Variants in DACT2 observed in about 807,000 individuals in gnomAD.
DACT2 encodes dishevelled binding antagonist of beta catenin 2.
A neutral mutation model predicts 22.2 loss-of-function variants in DACT2; 20 were observed. The observed-to-expected ratio is 0.90, with a 90% CI of 0.63 to 1.31. DACT2 has a LOEUF of 1.31. Ranked by LOEUF, DACT2 falls within the 50% of genes most tolerant of loss-of-function variation. The pLI, the probability that DACT2 is intolerant of heterozygous loss-of-function variation, is 0.00. For synonymous variants in DACT2, 463 were observed against 479.8 expected, an observed-to-expected ratio of 0.96 and a Z score of 0.46; for missense variants, 1,048 against 1,061.4, an observed-to-expected ratio of 0.99 and a Z score of 0.18.
chr6:168,294,033 C>T (rs547944314), intron 5 of DACT2: 119 of 703,044 alleles, frequency 1.7e-4, no homozygotes, highest in African/African-American at 1.7e-3. Context: ...TTTGCCTCCC[C>T]GTCCCCACAG....
exon 6 of DACT2, chr6:168,293,804 C>T (rs1363705190): frequency 1.7e-5 from 12 of 698,710 alleles, no homozygotes; most frequent in Middle Eastern, 3.0e-4. Flanking sequence ...CCGATGATAT[C>T]GGGAGAAGAA....
At chr6:168,314,009 A>T (rs1019247762) in intron 1 of DACT2, among the ~76,000 whole-genome samples, 6 of 93,420 alleles carry the variant, frequency 6.4e-5, no homozygotes, top group African/African-American at 2.4e-4. Flanking sequence ...TGTAACCCCG[A>T]CCGCGCTTGT....
chr6:168,311,597 TA>T (rs1779415687), intron 1 of DACT2, among the ~76,000 whole-genome samples: 1 of 100,462 alleles, frequency 1.0e-5, no homozygotes, highest in African/African-American at 4.4e-5. Flanking sequence ...CACACACACA[TA>T]CACACACACT....
At position 168,296,058 on chromosome 6, in the gene DACT2, G is replaced by A. The variant is rs1425980023; in HGVS notation, c.659-1354C>T. Among the ~76,000 whole-genome samples, 33 of 139,004 alleles carry A rather than the reference G, an allele frequency of 2.4e-4. 1 individual carries two copies. Among genetic ancestry groups the A allele is most frequent in the Non-Finnish European group, 3.8e-4 (25 of 65,770 alleles). The allele number at this position is 139,004 out of a possible 152,430, so 91.2% of individuals were successfully genotyped here. On this transcript the variant is annotated intron_variant, in intron 3 of 5. Coordinates refer to the DACT2 transcript ENST00000366796. ...CGGAAAGAGCAGATCCATCCACAGC[G>A]GTGAGGAGATGGTCATGGAGGACAG...
At position 168,307,600 on chromosome 6, in the gene DACT2, A is replaced by T. The variant is rs1400887870; in HGVS notation, c.2157T>A (p.Tyr719Ter). The change falls in exon 4 of 4, where the codon TAT (tyrosine) becomes TAA (stop). Residue 719 changes from tyrosine to a stop codon, truncating the protein, a stop_gained. Transcript: ENST00000366795. LOFTEE classifies it low-confidence loss of function (END_TRUNC). This position sits in a 1 kb window ranked among gnomAD's most constrained non-coding sequence, Gnocchi z 5.3. ...CCAGCTCCGCATGCCCGGCCGCCAC[A>T]TAGCCCAGTGCCAGGTCACAGTCCC... ...QSRDCDLALG[Y>*]VAAGHAELAW... The T allele has an allele frequency of 6.5e-7, 1 of 1,549,248 alleles. No homozygotes were observed. The highest frequency in any genetic ancestry group is 1.4e-5 in the African/African-American group (1 of 72,938).
intron 1 of DACT2, among the ~76,000 whole-genome samples, chr6:168,312,340 G>C (rs1048053931): frequency 2.0e-5 from 3 of 152,000 alleles, no homozygotes; most frequent in African/African-American, 7.3e-5. Context: ...GGGACTGCAG[G>C]CATGCACCAT....
At position 168,312,399 on chromosome 6, in the gene DACT2, G is replaced by A. The variant is rs1478934619; in HGVS notation, c.247-1115C>T. Among the ~76,000 whole-genome samples the A allele has an allele frequency of 2.0e-5, 3 of 152,310 alleles. No individual in the cohort carries two copies. In the East Asian group the frequency reaches 5.8e-4, roughly 29 times the overall value. On this transcript the variant is annotated intron_variant, in intron 1 of 3. Transcript: ENST00000366795. ...TTTTGTAGAGACAGGGTCTTGCCAT[G>A]TTGCCCAGGCTGGTCTCCAACTCCT...
Position 168,309,017 on chromosome 6 carries a change from T to C in DACT2, c.740A>G (p.Gln247Arg), listed in dbSNP as rs1168697387. ...CACGTGCAGCGGGATATCCACCCCC[T>C]GGCAGAGGAGCCCGAGGAGCTCGGC... ...ADAELLGLLC[Q>R]GVDIPLHVPD... is the part of the protein sequence containing the mutation. The change falls in exon 4 of 4, where the codon CAG (glutamine) becomes CGG (arginine). Residue 247 changes from glutamine (Q) to arginine (R), a missense_variant. Gln to Arg is a conservative substitution (Grantham distance 43, BLOSUM62 1). Transcript: ENST00000366795. 2.6e-6 allele frequency: 4 copies of C among 1,547,820 alleles called. No homozygotes were observed. Among genetic ancestry groups the C allele is most frequent in the Non-Finnish European group, 3.5e-6 (4 of 1,146,934 alleles).
chr6:168,293,962 G>A (rs1202646412), intron 5 of DACT2: 16 of 703,242 alleles, frequency 2.3e-5, no homozygotes, highest in Non-Finnish European at 3.9e-5. Context: ...CGTCCCCAGG[G>A]ATGACAGAGA....
At chr6:168,303,210 A>C (rs1779141403), downstream of DACT2, among the ~76,000 whole-genome samples, 1 of 152,176 alleles carries the variant, frequency 6.6e-6, no homozygotes, top group Non-Finnish European at 1.5e-5. Context: ...TTTAGGATCC[A>C]GTAACTGTAC....
rs1455146037 is a variant in DACT2 at position 168,309,105 on chromosome 6, G to A, written c.659-7C>T. On this transcript the variant is annotated splice_polypyrimidine_tract_variant and splice_region_variant and intron_variant, in intron 3 of 3. Transcript: ENST00000366795. ...AGGGCTCTGTCAAGATCACCTGGGA[G>A]CGAGAAAAATGAACAAACACGTAAC... The A allele has an allele frequency of 2.0e-6, 3 of 1,506,018 alleles. No homozygotes were observed. The highest frequency in any genetic ancestry group is 2.5e-5 in the East Asian group (1 of 40,372). 93.3% of individuals were successfully genotyped at this position (1,506,018 alleles called of 1,614,324 possible).
intron 4 of DACT2, chr6:168,294,207 AGAGAAGGCAATGCCATCCT>A (rs1277335935): frequency 1.4e-6 from 1 of 702,970 alleles, no homozygotes. Flanking sequence ...CCTAACACAG[AGAGAAGGCAATGCCATCCT>A]GAGAAACATG....
intron 1 of DACT2, among the ~76,000 whole-genome samples, chr6:168,316,228 A>G (rs1295260402): frequency 6.6e-6 from 1 of 152,222 alleles, no homozygotes; most frequent in Non-Finnish European, 1.5e-5. Context: ...CCTTGACAGA[A>G]CAGTTGAAGC....
chr6:168,300,114 A>T, intron 3 of DACT2: 1 of 152,426 alleles, frequency 6.6e-6, no homozygotes. Flanking sequence ...AATGCGCTGG[A>T]GGCACCGAGG....
intron 3 of DACT2, chr6:168,300,393 C>T (rs1243174483): frequency 6.6e-6 from 1 of 152,202 alleles, no homozygotes; most frequent in Admixed American, 6.5e-5. Flanking sequence ...CGTCATGGAA[C>T]CAGACACTTC....
chr6:168,309,289 G>A (rs986112067), intron 3 of DACT2, among the ~76,000 whole-genome samples, 191 bp from the exon 4 acceptor site: 2 of 150,684 alleles, frequency 1.3e-5, no homozygotes, highest in Admixed American at 6.6e-5. Context: ...CGGGGCAGAC[G>A]GGAATGCGTT....
At chr6:168,311,985 C>G (rs902909258) in intron 1 of DACT2, among the ~76,000 whole-genome samples, 1 of 152,162 alleles carries the variant, frequency 6.6e-6, no homozygotes, top group African/African-American at 2.4e-5. Flanking sequence ...GAGCACAAAC[C>G]TTTTGACTTT....
chr6:168,307,832 G>A lies in DACT2; in HGVS notation c.1925C>T (p.Pro642Leu). ...PRPVARRAGG[P>L]LARGRPSLVR... Reference sequence around the variant, plus strand: ...CAGTGAGGGACGGCCCCGGGCCAGTGGGCCACCTGCTCTCCTGGCCACGGG... The same window carrying A: ...CAGTGAGGGACGGCCCCGGGCCAGTAGGCCACCTGCTCTCCTGGCCACGGG... The change falls in exon 4 of 4, where the codon CCA (proline) becomes CTA (leucine). Residue 642 changes from proline (P) to leucine (L), a missense_variant. By Grantham distance (98) the Pro-to-Leu change is moderately conservative. Transcript: ENST00000366795. This position sits in a 1 kb window ranked among gnomAD's most constrained non-coding sequence, Gnocchi z 5.3. The A allele has an allele frequency of 1.3e-6, 2 of 1,538,576 alleles. No homozygotes were observed. Among genetic ancestry groups the A allele is most frequent in the Non-Finnish European group, 1.7e-6 (2 of 1,145,074 alleles).
At position 168,319,718 on chromosome 6, in the gene DACT2, C is replaced by A; in HGVS notation, c.-85G>T. 8.5e-7 allele frequency: 1 copy of A among 1,183,190 alleles called. No homozygotes were observed. 73.3% of individuals were successfully genotyped at this position (1,183,190 alleles called of 1,614,324 possible). A position where few individuals can be genotyped will look rare whatever the true frequency, so the allele number is the denominator to read the frequency against. On this transcript the variant is annotated 5_prime_UTR_variant, in exon 1 of 4. Transcript: ENST00000366795. ...GCGGATCCCGAGCTGTGTCGCGGGT[C>A]CTCCTGCGCCTCCTCTCTCCGCCCC... is the stretch of plus-strand genomic sequence containing the variant.
Sources: gnomAD v4.1 joint callset for allele counts (sites outside exome capture counted in the v4.1 genomes callset) on GRCh38, gnomAD v4.1.1 for gene constraint, Gnocchi (gnomAD v3.1) non-coding constraint, MANE v1.5 for transcripts, NCBI Gene and HGNC (gene_info 2026-07-23, HGNC 2026-07-21) for gene names.